The following DOCK10 variants were observed in gnomAD, a reference collection of about 807,000 sequenced individuals.
The protein encoded by DOCK10 is dedicator of cytokinesis 10.
In DOCK10, 145 loss-of-function variants were observed where a neutral mutation model predicts 280.1. The ratio of observed to expected loss-of-function variants is 0.52; its 90% CI spans 0.45 to 0.59. The LOEUF (loss-of-function observed/expected upper bound fraction) is 0.59. Ranked by LOEUF, DOCK10 falls within the 20% of genes least tolerant of loss-of-function variation. The pLI is 0.00. For missense variants in DOCK10, 2,368 were observed against 2,651.7 expected (o/e 0.89, Z 2.35); for synonymous variants, 915 against 942.2 (o/e 0.97, Z 0.53).
At chr2:224,860,615 T>G (rs1574952391) in intron 14 of DOCK10, 1 of 152,104 alleles carries the variant, frequency 6.6e-6, no homozygotes, top group Admixed American at 6.6e-5. Flanking sequence ...CAGGCTGGAG[T>G]GCAGTGGTGC....
intron 25 of DOCK10, among the ~76,000 whole-genome samples, chr2:224,837,132 G>A (rs975954460): frequency 6.6e-6 from 1 of 152,130 alleles, no homozygotes; most frequent in African/African-American, 2.4e-5. Context: ...TGACATTTAG[G>A]TGGGAACTAT....
At chr2:224,787,568 G>C (rs933317449) in intron 48 of DOCK10, among the ~76,000 whole-genome samples, 171 bp from the exon 49 acceptor site, 1 of 152,130 alleles carries the variant, frequency 6.6e-6, no homozygotes, top group Non-Finnish European at 1.5e-5. Context: ...CCGCACTGCC[G>C]TTACCTAATT....
intron 4 of DOCK10, among the ~76,000 whole-genome samples, chr2:224,890,160 G>A (rs1425396578): frequency 6.6e-6 from 1 of 152,186 alleles, no homozygotes; most frequent in African/African-American, 2.4e-5. Context: ...AATGGTATTT[G>A]TTTCTGAACC....
At chr2:225,017,638 CA>C (rs555334896) in intron 1 of DOCK10, among the ~76,000 whole-genome samples, 454 of 92,444 alleles carry the variant, frequency 4.9e-3, no homozygotes, top group African/African-American at 0.014. Flanking sequence ...TCTGCTTTGT[CA>C]AAAAAAAAAT....
intron 1 of DOCK10, among the ~76,000 whole-genome samples, chr2:225,017,922 C>A (rs1398470087): frequency 1.3e-5 from 2 of 152,118 alleles, no homozygotes; most frequent in Non-Finnish European, 2.9e-5. Flanking sequence ...ATTATCCCTG[C>A]CAACAGAGAA....
At chr2:225,039,920 CT>C (rs1227619657) in intron 1 of DOCK10, among the ~76,000 whole-genome samples, 10 of 152,200 alleles carry the variant, frequency 6.6e-5, no homozygotes, top group African/African-American at 2.4e-4. Context: ...TTTCTAGTCT[CT>C]TTCAAATACC....
At chr2:224,957,930 T>C (rs562128457) in intron 1 of DOCK10, among the ~76,000 whole-genome samples, 3 of 152,238 alleles carry the variant, frequency 2.0e-5, no homozygotes, top group South Asian at 2.1e-4. Context: ...GCCCAAGGAA[T>C]TGGGGATGAG....
At position 224,834,166 on chromosome 2, in the gene DOCK10, A is replaced by C; in HGVS notation, c.2948T>G (p.Val983Gly). 1 of 1,607,944 alleles carries C rather than the reference A, an allele frequency of 6.2e-7. No homozygotes were observed. The highest frequency in any genetic ancestry group is 1.1e-5 in the South Asian group (1 of 90,954). ...GLLKSNDSTTVKHVLKHSWFF... is the reference protein window; with the variant it reads ...GLLKSNDSTTGKHVLKHSWFF... ...AATTCTTACCTTTAGGACATGCTTT[A>C]CTGTTGTTGAGTCATTTGATTTCAA... The change falls in exon 26 of 56, where the codon GTA (valine) becomes GGA (glycine). Residue 983 changes from valine (V) to glycine (G), a missense_variant. Transcript: ENST00000258390.
intron 29 of DOCK10, among the ~76,000 whole-genome samples, 156 bp downstream of exon 29, chr2:224,819,290 C>T (rs1694349222): frequency 6.6e-6 from 1 of 152,212 alleles, no homozygotes; most frequent in Non-Finnish European, 1.5e-5. Flanking sequence ...TTGGTAGGCA[C>T]ACTCAGCAGA....
intron 1 of DOCK10, among the ~76,000 whole-genome samples, chr2:224,940,317 T>A (rs1197022550): frequency 6.6e-6 from 1 of 152,244 alleles, no homozygotes; most frequent in Non-Finnish European, 1.5e-5. Context: ...TTCTCTGGAC[T>A]GTGTTTGTTC....
rs762262370 is a variant in DOCK10, at chr2:224,805,078, G to C, written c.4098C>G (p.Ser1366=). Residue 1366 remains serine (S), a synonymous_variant, in exon 37 of 56, where the codon TCC becomes TCG. Coordinates refer to ENST00000258390, the MANE Select transcript of DOCK10 (RefSeq NM_014689.3). The surrounding 1 kb of genome is among the most constrained non-coding windows in gnomAD (Gnocchi z 4.3). ...CTTACTCCAAGATGCTGAAGAAGTC[G>C]GACACCTCTGGGCTGGGAGCTCTCT... ...YWQRAPSPEV[S]DFFSILDVCL... 1 of 1,610,064 alleles carries C rather than the reference G, an allele frequency of 6.2e-7. No homozygotes were observed. Among genetic ancestry groups the C allele is most frequent in the Non-Finnish European group, 8.5e-7 (1 of 1,178,346 alleles).
chr2:225,042,399 G>A lies in DOCK10; in HGVS notation c.-25C>T. 8.1e-7 allele frequency: 1 copy of A among 1,233,768 alleles called. No homozygotes were observed. Among genetic ancestry groups the A allele is most frequent in the Non-Finnish European group, 1.0e-6 (1 of 986,718 alleles). The allele number at this position is 1,233,768 out of a possible 1,614,324, so 76.4% of individuals were successfully genotyped here. On this transcript the variant is annotated 5_prime_UTR_variant, in exon 1 of 56. Coordinates refer to ENST00000258390, the MANE Select transcript of DOCK10 (RefSeq NM_014689.3). This position sits in a 1 kb window ranked among gnomAD's most constrained non-coding sequence, Gnocchi z 5.1. Reference sequence around the variant, plus strand: ...TCGCCGGTCACGCCAATCGCGCCGCGGGCCCGGGGCGCGCCTCCCGCCGGT... The same window carrying A: ...TCGCCGGTCACGCCAATCGCGCCGCAGGCCCGGGGCGCGCCTCCCGCCGGT...
chr2:224,838,958 A>T (rs545589351), intron 24 of DOCK10, among the ~76,000 whole-genome samples: 10 of 152,294 alleles, frequency 6.6e-5, no homozygotes, highest in Admixed American at 2.0e-4. Context: ...CACTCTGGAG[A>T]ATAGGCACTT....
rs191597872 is a variant in DOCK10 at position 225,033,523 on chromosome 2, G to A, written c.123+8729C>T. Among the ~76,000 whole-genome samples the A allele has an allele frequency of 3.7e-3, 557 of 152,144 alleles. 6 individuals are homozygous for A. The highest frequency in any genetic ancestry group is 0.013 in the African/African-American group (525 of 41,480). ...TCTAATCTCTGAGGCAGACATTTTC[G>A]CTTCAATCCAACTGCAAAATATTAA... On this transcript the variant is annotated intron_variant, in intron 1 of 55. Coordinates refer to ENST00000258390, the MANE Select transcript of DOCK10 (RefSeq NM_014689.3).
At chr2:224,995,696 A>T (rs942079894) in intron 1 of DOCK10, among the ~76,000 whole-genome samples, 1 of 152,226 alleles carries the variant, frequency 6.6e-6, no homozygotes, top group Non-Finnish European at 1.5e-5. Context: ...CTTTTAAAAA[A>T]GCATGGTTAA....
At chr2:224,766,429 G>A (rs1690081910) in intron 55 of DOCK10, among the ~76,000 whole-genome samples, 1 of 152,120 alleles carries the variant, frequency 6.6e-6, no homozygotes, top group Non-Finnish European at 1.5e-5. Flanking sequence ...TTATCCCACT[G>A]TGCCATGACC....
intron 31 of DOCK10, among the ~76,000 whole-genome samples, chr2:224,808,955 C>A (rs982051105): frequency 6.6e-6 from 1 of 151,956 alleles, no homozygotes; most frequent in Non-Finnish European, 1.5e-5. Flanking sequence ...ACAAGAGTAA[C>A]TCACTAGGAA....
intron 3 of DOCK10, among the ~76,000 whole-genome samples, chr2:224,906,509 G>C (rs1419859559): frequency 6.6e-6 from 1 of 151,510 alleles, no homozygotes; most frequent in Non-Finnish European, 1.5e-5. Context: ...TGTCTCCCAG[G>C]CTGGAGTGCA....
chr2:225,017,900 C>T (rs1282563000), intron 1 of DOCK10, among the ~76,000 whole-genome samples: 1 of 152,116 alleles, frequency 6.6e-6, no homozygotes. Context: ...TTTATAATTT[C>T]ATCTGTTCTT....
Sources: allele counts gnomAD v4.1 joint callset (sites outside exome capture counted in the v4.1 genomes callset), GRCh38; gene constraint gnomAD v4.1.1; non-coding constraint Gnocchi (gnomAD v3.1); transcripts MANE v1.5; gene names NCBI Gene and HGNC (gene_info 2026-07-23, HGNC 2026-07-21).